EPM2A: variants seen among roughly 807,000 people sequenced by gnomAD.
EPM2A encodes the protein laforin.
EPM2A carries 21 observed loss-of-function variants against 26.5 expected under a neutral mutation model. That is an observed-to-expected ratio of 0.79 (90% CI 0.56 to 1.14). EPM2A has a LOEUF of 1.14. EPM2A is among the 50% of genes most tolerant of loss of function. EPM2A has a pLI of 0.00. For missense variants in EPM2A, 458 were observed against 440.8 expected (o/e 1.04, Z -0.35); for synonymous variants, 217 against 177.6 (o/e 1.22, Z -1.76).
chr6:145,555,444 CTT>C (rs1780716312), intron 2 of EPM2A, among the ~76,000 whole-genome samples: 1 of 152,042 alleles, frequency 6.6e-6, no homozygotes, highest in Non-Finnish European at 1.5e-5. Flanking sequence ...CACTGGCAAT[CTT>C]TGACCATCTT....
chr6:145,703,755 C>T (rs1782061870), intron 1 of EPM2A, among the ~76,000 whole-genome samples: 1 of 152,190 alleles, frequency 6.6e-6, no homozygotes, highest in South Asian at 2.1e-4. Flanking sequence ...AGGAATTATT[C>T]ACCAAGCTTT....
At chr6:145,597,195 C>A (rs1401443378) in intron 2 of EPM2A, among the ~76,000 whole-genome samples, 1 of 152,144 alleles carries the variant, frequency 6.6e-6, no homozygotes, top group African/African-American at 2.4e-5. Flanking sequence ...CGCCCGGCCT[C>A]TCCGAGATCT....
chr6:145,561,452 G>T (rs1441540395), intron 2 of EPM2A, among the ~76,000 whole-genome samples: 3 of 152,096 alleles, frequency 2.0e-5, no homozygotes, highest in African/African-American at 7.2e-5. Flanking sequence ...TATTAATGAA[G>T]ACTTTTGTAT....
chr6:145,627,924 T>C (rs994775287), intron 3 of EPM2A: 11 of 594,056 alleles, frequency 1.9e-5, no homozygotes, highest in Admixed American at 3.1e-5. Context: ...AATCCTTCCC[T>C]GGGTATTGCT....
intron 1 of EPM2A, among the ~76,000 whole-genome samples, chr6:145,725,289 A>G (rs1386061297): frequency 6.6e-6 from 1 of 152,112 alleles, no homozygotes; most frequent in Non-Finnish European, 1.5e-5. Context: ...AACACTAACA[A>G]CATCGACACT....
At chr6:145,569,674 A>G (rs377042418) in intron 2 of EPM2A, among the ~76,000 whole-genome samples, 3 of 152,116 alleles carry the variant, frequency 2.0e-5, no homozygotes, top group African/African-American at 7.2e-5. Flanking sequence ...TTGCATTTAT[A>G]TGGCCAGATT....
intron 1 of EPM2A, chr6:145,705,658 T>A: frequency 2.3e-6 from 1 of 434,824 alleles, no homozygotes; most frequent in South Asian, 1.6e-5. Flanking sequence ...ATCATCTTCA[T>A]GCTGACCATC....
chr6:145,398,338 C>T (rs6936142), intron 4 of EPM2A, among the ~76,000 whole-genome samples: 8,668 of 152,074 alleles, frequency 0.057, 603 homozygotes, highest in African/African-American at 0.16. Context: ...TTGTATGAAA[C>T]TTGTGATTTC....
At chr6:145,395,788 A>G (rs13219674) in intron 4 of EPM2A, among the ~76,000 whole-genome samples, 16,624 of 152,106 alleles carry the variant, frequency 0.11, 948 homozygotes, top group South Asian at 0.17. Flanking sequence ...CCCTTACTCA[A>G]TCTGAATTTT....
At chr6:145,553,146 C>G (rs1209654874) in intron 2 of EPM2A, among the ~76,000 whole-genome samples, 1 of 152,006 alleles carries the variant, frequency 6.6e-6, no homozygotes, top group Non-Finnish European at 1.5e-5. Flanking sequence ...TTACAAGTGT[C>G]TGGAATTTCC....
intron 2 of EPM2A, chr6:145,637,648 G>C (rs148599851): frequency 1.3e-5 from 2 of 152,304 alleles, no homozygotes; most frequent in Non-Finnish European, 2.9e-5. Context: ...CTTATCCCTG[G>C]ATCCAGATAA....
At chr6:145,481,802 A>G (rs1469375375) in intron 4 of EPM2A, among the ~76,000 whole-genome samples, 4 of 152,164 alleles carry the variant, frequency 2.6e-5, no homozygotes, top group African/African-American at 9.6e-5. Flanking sequence ...ATTAAGATCC[A>G]TTATTTTTCT....
intron 2 of EPM2A, among the ~76,000 whole-genome samples, chr6:145,586,225 T>C (rs1436032858): frequency 2.6e-5 from 4 of 152,222 alleles, no homozygotes; most frequent in Non-Finnish European, 5.9e-5. Context: ...TTGCTTGATG[T>C]TGTATCTTGA....
intron 4 of EPM2A, among the ~76,000 whole-genome samples, chr6:145,403,932 G>A (rs767787743): frequency 1.3e-5 from 2 of 151,992 alleles, no homozygotes; most frequent in Non-Finnish European, 1.5e-5. Flanking sequence ...ATTCATTATT[G>A]CCTGTCTTTT....
chr6:145,694,845 G>A lies in EPM2A; in HGVS notation c.302-8549C>T, dbSNP rs541555948. ...CACAAACAGATTTCTAGAGTGGAAGGAGAGAATACAGTTCCTGAGATAAAG... is the reference window on the plus strand; with the variant it reads ...CACAAACAGATTTCTAGAGTGGAAGAAGAGAATACAGTTCCTGAGATAAAG... On this transcript the variant is annotated intron_variant, in intron 1 of 3. Coordinates refer to ENST00000367519, the MANE Select transcript of EPM2A (RefSeq NM_005670.4). Among the ~76,000 whole-genome samples, 4 of 151,932 alleles carry A rather than the reference G, an allele frequency of 2.6e-5. No homozygotes were observed. The East Asian group carries it at 7.7e-4, about 29-fold the overall frequency.
chr6:145,568,812 G>A (rs1329324852), intron 2 of EPM2A, among the ~76,000 whole-genome samples: 1 of 152,174 alleles, frequency 6.6e-6, no homozygotes, highest in Non-Finnish European at 1.5e-5. Context: ...GCCAATAATA[G>A]GCAGTGGCAA....
chr6:145,392,286 C>T (rs1027019629), intron 4 of EPM2A, among the ~76,000 whole-genome samples: 3 of 152,064 alleles, frequency 2.0e-5, no homozygotes, highest in Admixed American at 6.6e-5. Flanking sequence ...CTGGAGTCTC[C>T]GATGGCCTCC....
chr6:145,600,690 C>A (rs771975461), intron 2 of EPM2A, among the ~76,000 whole-genome samples: 1 of 152,182 alleles, frequency 6.6e-6, no homozygotes, highest in Non-Finnish European at 1.5e-5. Context: ...TGGAGAGACA[C>A]TGAAGGAGGT....
At chr6:145,587,570 G>C (rs1781215234) in intron 2 of EPM2A, among the ~76,000 whole-genome samples, 1 of 152,160 alleles carries the variant, frequency 6.6e-6, no homozygotes. Flanking sequence ...TTGACTTCTG[G>C]AGATAAGATT....
Sources: gnomAD v4.1 joint callset for allele counts (sites outside exome capture counted in the v4.1 genomes callset) on GRCh38, gnomAD v4.1.1 for gene constraint, MANE v1.5 for transcripts, NCBI Gene and HGNC (gene_info 2026-07-23, HGNC 2026-07-21) for gene names.